LAMA5: variants seen among roughly 807,000 people sequenced by gnomAD.
The protein encoded by LAMA5 is laminin subunit alpha-5.
A neutral mutation model predicts 433.4 loss-of-function variants in LAMA5; 260 were observed. The ratio of observed to expected loss-of-function variants is 0.60; its 90% CI spans 0.54 to 0.66. The LOEUF (loss-of-function observed/expected upper bound fraction) is 0.66. Among genes scored for constraint, LAMA5 ranks in the 30% least tolerant of loss-of-function variants. The pLI, the probability that LAMA5 is intolerant of heterozygous loss-of-function variation, is 0.00. For missense variants in LAMA5, 5,378 were observed against 5,258.5 expected (o/e 1.02, Z -0.70); for synonymous variants, 2,620 against 2,226.6 (o/e 1.18, Z -4.97).
At chr20:62,320,929 T>A in intron 48 of LAMA5, 39 bp from the exon 49 acceptor site, 1 of 1,585,834 alleles carries the variant, frequency 6.3e-7, no homozygotes, top group Non-Finnish European at 8.6e-7. Flanking sequence ...TGTCATTGGG[T>A]CAGGCCAGGG....
At chr20:62,335,329 C>T in intron 18 of LAMA5, 60 bp from the exon 19 acceptor site, 3 of 1,563,902 alleles carry the variant, frequency 1.9e-6, no homozygotes, top group Middle Eastern at 2.2e-4. Context: ...GGCTCCAGCC[C>T]CCCGAGGAAC....
intron 16 of LAMA5, 129 bp downstream of exon 16, chr20:62,337,460 TG>T: frequency 7.9e-7 from 1 of 1,258,640 alleles, no homozygotes; most frequent in Non-Finnish European, 1.1e-6. Context: ...ACACAGAGCG[TG>T]GGGACGCAGT....
At chr20:62,319,945 T>C (rs1987493216) in intron 50 of LAMA5, 150 bp from the exon 51 acceptor site, 2 of 555,618 alleles carry the variant, frequency 3.6e-6, no homozygotes, top group Admixed American at 6.1e-5. Context: ...TTGTTATTTA[T>C]CACTTGTTAG....
chr20:62,356,622 G>C (rs1985278837), intron 2 of LAMA5: 1 of 152,286 alleles, frequency 6.6e-6, no homozygotes, highest in Non-Finnish European at 1.5e-5. Context: ...CCCAGAGGAG[G>C]CCTCTGCCCG....
At chr20:62,349,260 G>A (rs866642146) in intron 6 of LAMA5, among the ~76,000 whole-genome samples, 12 of 93,796 alleles carry the variant, frequency 1.3e-4, no homozygotes, top group Admixed American at 1.8e-4. Flanking sequence ...AACAGAGTGA[G>A]ACTCCATCTC....
intron 6 of LAMA5, among the ~76,000 whole-genome samples, 199 bp from the exon 7 acceptor site, chr20:62,347,227 C>G (rs563390489): frequency 1.3e-5 from 2 of 151,452 alleles, no homozygotes; most frequent in Non-Finnish European, 2.9e-5. Context: ...GGCTCTGACG[C>G]AACTTCCCCA....
intron 58 of LAMA5, 140 bp from the exon 59 acceptor site, chr20:62,315,347 A>C: frequency 5.6e-6 from 4 of 711,268 alleles, no homozygotes; most frequent in Non-Finnish European, 9.0e-6. Flanking sequence ...CCCGCTGCTC[A>C]GTGCAATCCA....
intron 35 of LAMA5, 97 bp from the exon 36 acceptor site, chr20:62,328,107 G>C: frequency 1.9e-6 from 3 of 1,545,244 alleles, no homozygotes; most frequent in East Asian, 2.3e-5. Flanking sequence ...CATCCTCCCA[G>C]AAGTGGAGGA....
rs765161924 is a variant in LAMA5, at chr20:62,319,773, G to C, written c.6782C>G (p.Ala2261Gly). 1.9e-6 allele frequency: 3 copies of C among 1,547,322 alleles called. No individual in the cohort carries two copies. The highest frequency in any genetic ancestry group is 2.4e-5 in the East Asian group (1 of 40,974). Residue 2261 changes from alanine (A) to glycine (G), a missense_variant, in exon 51 of 80, where the codon GCG becomes GGG. Coordinates refer to ENST00000252999, the MANE Select transcript of LAMA5 (RefSeq NM_005560.6). ...GGQAVGTRDQASQLLAGTEAT... is the reference protein window; with the variant it reads ...GGQAVGTRDQGSQLLAGTEAT... ...CTCGGTGCCGGCCAGCAATTGGCTC[G>C]CCTGGTCTCGGGTCCCCACGGCCTG... is the stretch of plus-strand genomic sequence containing the variant.
Position 62,329,067 on chromosome 20 carries a change from G to T in LAMA5, c.4236-12C>A, listed in dbSNP as rs1344129413. On this transcript the variant is annotated splice_polypyrimidine_tract_variant and intron_variant, in intron 33 of 79. Coordinates refer to ENST00000252999, the MANE Select transcript of LAMA5 (RefSeq NM_005560.6). ...ATGAGCTGCTGGGGCTACATGGAGG[G>T]GCACGTGGTGAGGCCAGCTCCCGGC... is the stretch of plus-strand genomic sequence containing the variant. 1 of 1,612,484 alleles carries T rather than the reference G, an allele frequency of 6.2e-7. No individual in the cohort carries two copies. The highest frequency in any genetic ancestry group is 8.5e-7 in the Non-Finnish European group (1 of 1,179,782).
Position 62,310,150 on chromosome 20 carries a change from C to T in LAMA5, c.10734+28G>A, listed in dbSNP as rs756410180. The T allele has an allele frequency of 4.5e-5, 73 of 1,611,966 alleles. 4 individuals are homozygous for T. The South Asian group carries it at 7.8e-4, about 17-fold the overall frequency. On this transcript the variant is annotated intron_variant, in intron 77 of 79. Transcript: ENST00000252999. ...ACCAGAATGGGGAGGCAAACCCTGC[C>T]CTGGCACGCCACCTCTGCCAGGCTT...
At position 62,327,990 on chromosome 20, in the gene LAMA5, C is replaced by A; in HGVS notation, c.4673G>T (p.Gly1558Val). The A allele has an allele frequency of 6.2e-7, 1 of 1,612,058 alleles. No individual in the cohort carries two copies. The highest frequency in any genetic ancestry group is 8.5e-7 in the Non-Finnish European group (1 of 1,179,836). ...CGGAGAGCAGGTATCACAGCGGCGC[C>A]CAGTCACGTTGGGTCTGCACCTGTG... ...GQCKCRPNVT[G>V]RRCDTCSPGF... Residue 1558 changes from glycine to valine, a missense_variant, in exon 36 of 80, where the codon GGG (glycine) becomes GTG (valine). By Grantham distance (109) the Gly-to-Val change is moderately radical. Transcript: ENST00000252999.
chr20:62,312,528 G>A lies in LAMA5; in HGVS notation c.9232C>T (p.Arg3078Ter), dbSNP rs369268267. Residue 3078 changes from arginine to a stop codon, truncating the protein, a stop_gained, in exon 68 of 80, where the codon CGA (arginine) becomes TGA (stop). Coordinates refer to ENST00000252999, the MANE Select transcript of LAMA5 (RefSeq NM_005560.6). LOFTEE classifies it high-confidence loss of function. ...VPPDQLPPSL[R>*]RLFPTGGSVR... ...GAGCCTCCGGTGGGGAAGAGCCGTC[G>A]CAGGCTGTGGGGAAGCGGGGATGCG... 2 of 1,599,180 alleles carry A rather than the reference G, an allele frequency of 1.3e-6. No individual in the cohort carries two copies. Among genetic ancestry groups the A allele is most frequent in the East Asian group, 2.2e-5 (1 of 44,854 alleles).
At position 62,351,732 on chromosome 20, in the gene LAMA5, C is replaced by G; in HGVS notation, c.928G>C (p.Asp310His). 2 of 1,611,956 alleles carry G rather than the reference C, an allele frequency of 1.2e-6. No individual in the cohort carries two copies. The highest frequency in any genetic ancestry group is 1.7e-6 in the Non-Finnish European group (2 of 1,179,818). ...CVCHGHADAC[D>H]AKDPTDPFRL... ...AACGGGTCCGTGGGGTCTTTGGCAT[C>G]GCAGGCATCCGCGTGGCCGTGGCAG... The change falls in exon 6 of 80, where the codon GAT becomes CAT. Residue 310 changes from aspartate to histidine, a missense_variant. By Grantham distance (81) the Asp-to-His change is moderately conservative (BLOSUM62 -1). Transcript: ENST00000252999.
Position 62,337,137 on chromosome 20 carries a change from G to T in LAMA5, c.2165-351C>A, listed in dbSNP as rs536602377. 6.6e-5 allele frequency among the ~76,000 whole-genome samples: 10 copies of T among 152,298 alleles called. No individual in the cohort carries two copies. The East Asian group carries it at 1.7e-3, about 26-fold the overall frequency. ...CTAACACACCCACACGCCCGTGAAA[G>T]GACATGAACACGCACACCCACACTT... On this transcript the variant is annotated intron_variant, in intron 16 of 79. Transcript: ENST00000252999.
Position 62,314,823 on chromosome 20 carries a change from G to A in LAMA5, c.8172C>T (p.Ala2724=), listed in dbSNP as rs1258109945. 4 of 1,612,860 alleles carry A rather than the reference G, an allele frequency of 2.5e-6. No individual in the cohort carries two copies. Among genetic ancestry groups the A allele is most frequent in the Admixed American group, 1.7e-5 (1 of 60,004 alleles). ...CCTTACTGGCAGCCCCCCGGGCCTG[G>A]GCAATGAGCTCTCGCACGCGGCCAA... ...ASIGRVRELI[A]QARGAASKVK... The change falls in exon 60 of 80, where the codon GCC becomes GCT. Residue 2724 remains alanine, a synonymous_variant. Transcript: ENST00000252999.
chr20:62,332,392 C>A lies in LAMA5; in HGVS notation c.3532G>T (p.Glu1178Ter). ...DSEASVRLTA[E>*]QARFFLHGVT... The stretch of plus-strand genomic sequence containing the variant: ...CTTACCAGGAAGAAGCGTGCCTGTT[C>A]GGCTGTGAGCCTCACGCTGGCCTCC... Residue 1178 changes from glutamate to a stop codon, truncating the protein, a stop_gained, in exon 28 of 80, where the codon GAA becomes TAA. Coordinates refer to ENST00000252999, the MANE Select transcript of LAMA5 (RefSeq NM_005560.6). LOFTEE classifies it high-confidence loss of function. 1.2e-6 allele frequency: 2 copies of A among 1,612,376 alleles called. No homozygotes were observed. Among genetic ancestry groups the A allele is most frequent in the South Asian group, 2.2e-5 (2 of 91,042 alleles).
chr20:62,336,279 A>G, intron 18 of LAMA5, 61 bp downstream of exon 18: 1 of 1,226,614 alleles, frequency 8.2e-7, no homozygotes, highest in African/African-American at 1.5e-5. Context: ...CCTCCAGGAT[A>G]TACTTGTGGG....
chr20:62,367,309 G>A lies in LAMA5; in HGVS notation c.-64C>T, dbSNP rs1218933931. On this transcript the variant is annotated 5_prime_UTR_variant, in exon 1 of 80. Transcript: ENST00000252999. ...AGCGCGCGCGGCGGGAGCCCGGCGG[G>A]TCTGAAGCCAGGCGGCCGGCAGGGC... 3.6e-6 allele frequency: 4 copies of A among 1,103,848 alleles called. No homozygotes were observed. The highest frequency in any genetic ancestry group is 1.0e-4 in the Admixed American group (2 of 20,096). The allele number at this position is 1,103,848 out of a possible 1,614,324, so 68.4% of individuals were successfully genotyped here.
Sources: gnomAD v4.1 joint callset for allele counts (sites outside exome capture counted in the v4.1 genomes callset) on GRCh38, gnomAD v4.1.1 for gene constraint, MANE v1.5 for transcripts, NCBI Gene and HGNC (gene_info 2026-07-23, HGNC 2026-07-21) for gene names.